Variants in ULK4 observed in about 807,000 individuals in gnomAD.
The protein encoded by ULK4 is unc-51 like kinase 4.
Under a neutral mutation model 160.6 loss-of-function variants are expected in ULK4, and 133 were observed. The ratio of observed to expected loss-of-function variants is 0.83; its 90% CI spans 0.72 to 0.96. ULK4 has a LOEUF of 0.96. Among genes scored for constraint, ULK4 ranks in the 40% least tolerant of loss-of-function variants. The pLI is 0.00. For missense variants in ULK4, 1,580 were observed against 1,499.5 expected, an observed-to-expected ratio of 1.05 and a Z score of -0.89; for synonymous variants, 534 against 539.8, an observed-to-expected ratio of 0.99 and a Z score of 0.15.
chr3:41,784,542 T>C (rs2039948323), intron 21 of ULK4, among the ~76,000 whole-genome samples: 1 of 152,230 alleles, frequency 6.6e-6, no homozygotes, highest in African/African-American at 2.4e-5. Flanking sequence ...ATTGTTCACT[T>C]TTAACATCAC....
chr3:41,617,258 GCACCAGCT>G (rs2033021647), intron 30 of ULK4, among the ~76,000 whole-genome samples: 1 of 152,208 alleles, frequency 6.6e-6, no homozygotes, highest in South Asian at 2.1e-4. Context: ...CCAGCACAGA[GCACCAGCT>G]CTGCTAAGGG....
At chr3:41,478,043 T>C (rs1001810616) in intron 32 of ULK4, among the ~76,000 whole-genome samples, 7 of 152,234 alleles carry the variant, frequency 4.6e-5, no homozygotes, top group Non-Finnish European at 7.3e-5. Flanking sequence ...CTCCTCCTCC[T>C]GCATTTGTAC....
intron 32 of ULK4, among the ~76,000 whole-genome samples, chr3:41,468,628 T>C (rs75104424): frequency 0.018 from 2,744 of 152,216 alleles, 89 homozygotes; most frequent in African/African-American, 0.064. Flanking sequence ...ACCTGTGTGG[T>C]TTATGGAACT....
At chr3:41,421,173 T>C (rs904576149) in intron 34 of ULK4, among the ~76,000 whole-genome samples, 1 of 152,082 alleles carries the variant, frequency 6.6e-6, no homozygotes, top group Non-Finnish European at 1.5e-5. Context: ...TATTATATAA[T>C]ACCTGCCTAC....
At chr3:41,690,112 T>TA (rs2036241041) in intron 27 of ULK4, among the ~76,000 whole-genome samples, 1 of 145,798 alleles carries the variant, frequency 6.9e-6, no homozygotes, top group African/African-American at 2.6e-5. Flanking sequence ...TATGCAGCCA[T>TA]AAAAAATGAT....
chr3:41,629,504 T>G (rs993698098), intron 30 of ULK4, among the ~76,000 whole-genome samples: 2 of 152,118 alleles, frequency 1.3e-5, no homozygotes, highest in African/African-American at 4.8e-5. Context: ...ACTTCTATTG[T>G]GTTCTAAGTG....
intron 16 of ULK4, among the ~76,000 whole-genome samples, chr3:41,892,131 G>C (rs1697990795): frequency 6.6e-6 from 1 of 152,188 alleles, no homozygotes; most frequent in African/African-American, 2.4e-5. Context: ...TATGTAATGA[G>C]AGAAGATATT....
intron 3 of ULK4, chr3:41,937,002 A>T (rs997262462): frequency 2.4e-5 from 6 of 250,680 alleles, no homozygotes; most frequent in Admixed American, 1.0e-4. Flanking sequence ...TGCCTGTACC[A>T]ACTATCTCAT....
chr3:41,310,798 A>C (rs950468114), intron 35 of ULK4, among the ~76,000 whole-genome samples: 8 of 152,102 alleles, frequency 5.3e-5, no homozygotes, highest in Non-Finnish European at 2.9e-5. Flanking sequence ...TCTGAGACCA[A>C]CATGGGCGAC....
intron 35 of ULK4, among the ~76,000 whole-genome samples, chr3:41,347,552 CTT>C (rs1491344480): frequency 2.6e-5 from 4 of 152,090 alleles, no homozygotes; most frequent in Non-Finnish European, 4.4e-5. Context: ...CCTTTCCTCT[CTT>C]ATATATATAT....
chr3:41,555,940 A>G (rs575378722), intron 32 of ULK4, among the ~76,000 whole-genome samples: 1 of 152,294 alleles, frequency 6.6e-6, no homozygotes, highest in East Asian at 1.9e-4. Context: ...AAAACCAAAT[A>G]TGGTGTATTC....
intron 32 of ULK4, among the ~76,000 whole-genome samples, chr3:41,554,085 A>T (rs1691991): frequency 1.3e-5 from 2 of 152,012 alleles, no homozygotes; most frequent in East Asian, 3.9e-4. Context: ...AACATGTGAA[A>T]TTTGTCTTCC....
chr3:41,416,953 A>C (rs759747347), intron 34 of ULK4, among the ~76,000 whole-genome samples: 1 of 152,142 alleles, frequency 6.6e-6, no homozygotes, highest in Non-Finnish European at 1.5e-5. Context: ...CTCAGCTGAA[A>C]GTGCACTGAA....
intron 18 of ULK4, among the ~76,000 whole-genome samples, chr3:41,834,964 C>T (rs2041709700): frequency 6.6e-6 from 1 of 152,120 alleles, no homozygotes; most frequent in Non-Finnish European, 1.5e-5. Flanking sequence ...ACTTTTTGTG[C>T]ATTGGAGGAC....
At chr3:41,286,407 A>C (rs1349383928) in intron 35 of ULK4, among the ~76,000 whole-genome samples, 3 of 152,150 alleles carry the variant, frequency 2.0e-5, no homozygotes, top group Non-Finnish European at 4.4e-5. Flanking sequence ...ATTATTAGAT[A>C]TGTCCAGCCT....
chr3:41,590,461 C>CAAAAAAAAAAAAAAA (rs71075479), intron 31 of ULK4, among the ~76,000 whole-genome samples: 5 of 56,844 alleles, frequency 8.8e-5, no homozygotes, highest in African/African-American at 2.7e-4. Context: ...ACTAAAAATA[C>CAAAAAAAAAAAAAAA]AAAAAAAAAA....
At chr3:41,285,155 A>C (rs376561850) in intron 35 of ULK4, among the ~76,000 whole-genome samples, 1 of 152,238 alleles carries the variant, frequency 6.6e-6, no homozygotes, top group African/African-American at 2.4e-5. Flanking sequence ...GTAAACTAGC[A>C]CAGCCACTAT....
At chr3:41,902,272 A>G (rs1349401905) in intron 12 of ULK4, among the ~76,000 whole-genome samples, 5 of 152,182 alleles carry the variant, frequency 3.3e-5, no homozygotes, top group Non-Finnish European at 5.9e-5. Flanking sequence ...TGCAACTCAG[A>G]CAAAAGACAA....
At position 41,638,386 on chromosome 3, in the gene ULK4, C is replaced by A. The variant is rs138320747; in HGVS notation, c.3072-22669G>T. ...GACCATTTGTTTATCCTGTAAACAA[C>A]TGAGTTGAGCAGAATTTGTGACTCC... is the stretch of plus-strand genomic sequence containing the variant. On this transcript the variant is annotated intron_variant, in intron 30 of 36. Transcript: ENST00000301831. Among the ~76,000 whole-genome samples, 165 of 152,176 alleles carry A rather than the reference C, an allele frequency of 1.1e-3. 1 individual carries two copies. The highest frequency in any genetic ancestry group is 3.8e-3 in the African/African-American group (159 of 41,526).
Sources: allele counts gnomAD v4.1 joint callset (sites outside exome capture counted in the v4.1 genomes callset), GRCh38; gene constraint gnomAD v4.1.1; transcripts MANE v1.5; gene names NCBI Gene and HGNC (gene_info 2026-07-23, HGNC 2026-07-21).